KCNQ1: variants seen among roughly 807,000 people sequenced by gnomAD.
KCNQ1 encodes the protein potassium voltage-gated channel subfamily KQT member 1.
KCNQ1 carries 49 observed loss-of-function variants against 72.4 expected under a neutral mutation model. The observed-to-expected ratio is 0.68, with a 90% confidence interval of 0.54 to 0.86. The LOEUF (loss-of-function observed/expected upper bound fraction) is 0.86, where lower values mean the gene tolerates loss of function less well. Ranked by LOEUF, KCNQ1 falls within the 40% of genes least tolerant of loss-of-function variation. The probability of loss-of-function intolerance (pLI) is 0.00; values close to 1 mark genes in which losing one functional copy is unlikely to be tolerated. For missense variants in KCNQ1, 790 were observed against 945.1 expected (o/e 0.84, Z 2.15); for synonymous variants, 450 against 412.6 (o/e 1.09, Z -1.10).
chr11:2,634,290 G>A (rs534481116), intron 10 of KCNQ1: 32 of 342,714 alleles, frequency 9.3e-5, no homozygotes, highest in African/African-American at 6.6e-4. Flanking sequence ...ATTTACCTTA[G>A]GTATATCTCC....
Position 2,601,993 on chromosome 11 carries a change from C to T in KCNQ1, c.1393+13139C>T, listed in dbSNP as rs1158624872. On this transcript the variant is annotated intron_variant, in intron 10 of 15. Coordinates refer to ENST00000155840, the MANE Select transcript of KCNQ1 (RefSeq NM_000218.3). The surrounding 1 kb of genome is among the most constrained non-coding windows in gnomAD (Gnocchi z 5.2). ...AGGACCTTGAGATGGAGAGATCATCCTGGGTTATCTGAATGGGCCCGGTGT... is the reference window on the plus strand; with the variant it reads ...AGGACCTTGAGATGGAGAGATCATCTTGGGTTATCTGAATGGGCCCGGTGT... Among the ~76,000 whole-genome samples, 2 of 152,130 alleles carry T rather than the reference C, an allele frequency of 1.3e-5. No individual in the cohort carries two copies. Among genetic ancestry groups the T allele is most frequent in the African/African-American group, 4.8e-5 (2 of 41,424 alleles).
At chr11:2,629,091 T>A (rs1284997809) in intron 10 of KCNQ1, 3 of 398,070 alleles carry the variant, frequency 7.5e-6, no homozygotes, top group African/African-American at 6.2e-5. Flanking sequence ...GTAGTTTCTT[T>A]CAAATTTTAG....
chr11:2,578,922 G>C (rs933671549), intron 6 of KCNQ1, among the ~76,000 whole-genome samples: 1 of 152,236 alleles, frequency 6.6e-6, no homozygotes, highest in African/African-American at 2.4e-5. Context: ...TCAGCACAGT[G>C]ACTGCCCAGC....
In KCNQ1 at chr11:2,608,966, GT is replaced by G. The variant is rs1450794764; in HGVS notation, c.1393+20114del. On this transcript the variant is annotated intron_variant, in intron 10 of 15. Transcript: ENST00000155840. The surrounding 1 kb of genome is among the most constrained non-coding windows in gnomAD (Gnocchi z 4.6). ...TCTCTTACCAATCTATCAAAGGTTT[GT>G]TAATTTCAAAGAACCAAATTTTGGA... The G allele has an allele frequency of 1.3e-5, 5 of 396,074 alleles. No individual in the cohort carries two copies. The highest frequency in any genetic ancestry group is 4.2e-5 in the African/African-American group (2 of 47,764). The allele number at this position is 396,074 out of a possible 1,614,324, so 24.5% of individuals were successfully genotyped here.
chr11:2,489,498 A>G (rs968493325), intron 1 of KCNQ1, among the ~76,000 whole-genome samples: 11 of 152,038 alleles, frequency 7.2e-5, no homozygotes, highest in African/African-American at 1.9e-4. Flanking sequence ...ATTCCTAGGC[A>G]AGTCCTATTG....
intron 10 of KCNQ1, chr11:2,643,087 G>A: frequency 2.5e-6 from 1 of 398,072 alleles, no homozygotes; most frequent in Non-Finnish European, 4.4e-6. Flanking sequence ...AACATATAAT[G>A]TATCCTGGAG....
At chr11:2,553,558 T>C (rs916913214) in intron 2 of KCNQ1, among the ~76,000 whole-genome samples, 2 of 152,222 alleles carry the variant, frequency 1.3e-5, no homozygotes, top group African/African-American at 4.8e-5. Flanking sequence ...AATCAAATTC[T>C]TTCTTAATTT....
intron 11 of KCNQ1, among the ~76,000 whole-genome samples, chr11:2,718,147 C>T (rs148640045): frequency 7.9e-5 from 12 of 152,318 alleles, no homozygotes; most frequent in East Asian, 5.8e-4. Context: ...TCCCTGCCCT[C>T]GGGGGAGCTG....
Position 2,478,186 on chromosome 11 carries a change from A to G in KCNQ1, c.386+32702A>G, listed in dbSNP as rs1846600477. Among the ~76,000 whole-genome samples the G allele has an allele frequency of 6.6e-6, 1 of 152,184 alleles. No homozygotes were observed. Among genetic ancestry groups the G allele is most frequent in the African/African-American group, 2.4e-5 (1 of 41,444 alleles). ...GGAGACACAGGGCAAACCCACATGG[A>G]GGGAGACACACACAGTGGCCTGAAT... On this transcript the variant is annotated intron_variant, in intron 1 of 15. Coordinates refer to ENST00000155840, the MANE Select transcript of KCNQ1 (RefSeq NM_000218.3). The surrounding 1 kb of genome is among the most constrained non-coding windows in gnomAD (Gnocchi z 4.0).
chr11:2,840,227 C>G (rs1848179493), intron 15 of KCNQ1: 1 of 152,366 alleles, frequency 6.6e-6, no homozygotes, highest in Admixed American at 6.6e-5. Context: ...TTGTAAAGGT[C>G]TTCATCCTCG....
chr11:2,839,076 C>A (rs1334855813), intron 15 of KCNQ1, among the ~76,000 whole-genome samples: 2 of 152,210 alleles, frequency 1.3e-5, no homozygotes, highest in Admixed American at 1.3e-4. Flanking sequence ...GCCGCCCCTG[C>A]CTGGCGTCTG....
At position 2,817,844 on chromosome 11, in the gene KCNQ1, T is replaced by C. The variant is rs1205469848; in HGVS notation, c.1795-29923T>C. Among the ~76,000 whole-genome samples, 2 of 152,150 alleles carry C rather than the reference T, an allele frequency of 1.3e-5. No homozygotes were observed. Among genetic ancestry groups the C allele is most frequent in the Non-Finnish European group, 2.9e-5 (2 of 68,024 alleles). ...GATCCTGAATCCAGAGTCACATGTATGTTAGAAACCTCTGGCACTCTCCCC... is the reference window on the plus strand; with the variant it reads ...GATCCTGAATCCAGAGTCACATGTACGTTAGAAACCTCTGGCACTCTCCCC... On this transcript the variant is annotated intron_variant, in intron 15 of 15. Coordinates refer to ENST00000155840, the MANE Select transcript of KCNQ1 (RefSeq NM_000218.3). This position sits in a 1 kb window ranked among gnomAD's most constrained non-coding sequence, Gnocchi z 6.1.
At chr11:2,449,654 G>A (rs774450692) in intron 1 of KCNQ1, among the ~76,000 whole-genome samples, 6 of 152,228 alleles carry the variant, frequency 3.9e-5, no homozygotes, top group African/African-American at 4.8e-5. Flanking sequence ...GCGGAGCTGA[G>A]TGCCTTTGGG....
intron 10 of KCNQ1, chr11:2,660,921 C>G: frequency 2.5e-6 from 1 of 398,594 alleles, no homozygotes; most frequent in Non-Finnish European, 4.4e-6. Context: ...ACTATAAGAG[C>G]CTGAATGTCC....
rs1195239642 is a variant in KCNQ1 at position 2,824,380 on chromosome 11, G to A, written c.1795-23387G>A. 6.6e-6 allele frequency among the ~76,000 whole-genome samples: 1 copy of A among 152,124 alleles called. No individual in the cohort carries two copies. The highest frequency in any genetic ancestry group is 2.4e-5 in the African/African-American group (1 of 41,408). ...CGAGCTGGATATGGTGGTGAAGGAG[G>A]GGAGTCTTCAGGAAAGACCCCCAGG... On this transcript the variant is annotated intron_variant, in intron 15 of 15. Transcript: ENST00000155840. The surrounding 1 kb of genome is among the most constrained non-coding windows in gnomAD (Gnocchi z 5.9).
At position 2,611,959 on chromosome 11, in the gene KCNQ1, T is replaced by A. The variant is rs1453317743; in HGVS notation, c.1393+23105T>A. ...TTAATAATCTACTCAAATATTTTTG[T>A]CTGCCCTATTCTCTCCTTCTCAGTA... On this transcript the variant is annotated intron_variant, in intron 10 of 15. Transcript: ENST00000155840. This position sits in a 1 kb window ranked among gnomAD's most constrained non-coding sequence, Gnocchi z 5.3. 2.5e-5 allele frequency: 10 copies of A among 398,558 alleles called. No homozygotes were observed. The highest frequency in any genetic ancestry group is 4.4e-5 in the Non-Finnish European group (10 of 226,080). The allele number at this position is 398,558 out of a possible 1,614,324, so 24.7% of individuals were successfully genotyped here.
intron 11 of KCNQ1, chr11:2,697,789 C>T (rs984657990): frequency 3.5e-5 from 14 of 398,520 alleles, no homozygotes; most frequent in Non-Finnish European, 6.2e-5. Context: ...CAAGGAACTT[C>T]TGCATCTACA....
rs1846903830 is a variant in KCNQ1 at position 2,785,961 on chromosome 11, G to C, written c.1794+7924G>C. ...TACTTTGCTGTTGTATATTTTAGTT[G>C]AACTGTGTTTAATTTTTAACTCACT... On this transcript the variant is annotated intron_variant, in intron 15 of 15. Coordinates refer to ENST00000155840, the MANE Select transcript of KCNQ1 (RefSeq NM_000218.3). The surrounding 1 kb of genome is among the most constrained non-coding windows in gnomAD (Gnocchi z 4.4). Among the ~76,000 whole-genome samples the C allele has an allele frequency of 6.6e-6, 1 of 151,976 alleles. No individual in the cohort carries two copies. The highest frequency in any genetic ancestry group is 1.5e-5 in the Non-Finnish European group (1 of 67,918).
chr11:2,661,922 T>G lies in KCNQ1; in HGVS notation c.1394-39T>G, dbSNP rs739502. On this transcript the variant is annotated intron_variant, in intron 10 of 15. Coordinates refer to ENST00000155840, the MANE Select transcript of KCNQ1 (RefSeq NM_000218.3). The surrounding 1 kb of genome is among the most constrained non-coding windows in gnomAD (Gnocchi z 5.9). Reference sequence around the variant, plus strand: ...GGCTCCACAGCACTGGCAGGTTGGGTGGGAGGCCTAACGTGCTGTCCCCAC... The same window carrying G: ...GGCTCCACAGCACTGGCAGGTTGGGGGGGAGGCCTAACGTGCTGTCCCCAC... 172,801 of 1,612,768 alleles carry G rather than the reference T, an allele frequency of 0.11. 13,121 individuals are homozygous for G. The highest frequency in any genetic ancestry group is 0.4 in the African/African-American group (29,760 of 74,890).
Sources: allele counts gnomAD v4.1 joint callset (sites outside exome capture counted in the v4.1 genomes callset), GRCh38; gene constraint gnomAD v4.1.1; non-coding constraint Gnocchi (gnomAD v3.1); transcripts MANE v1.5; gene names NCBI Gene and HGNC (gene_info 2026-07-23, HGNC 2026-07-21).